MTA3: variants seen among roughly 807,000 people sequenced by gnomAD.
MTA3 encodes the protein metastasis associated 1 family member 3, also known as metastasis-associated protein MTA3.
MTA3 carries 34 observed loss-of-function variants against 83.5 expected under a neutral mutation model. That is an observed-to-expected ratio of 0.41 (90% CI 0.31 to 0.54). The LOEUF (loss-of-function observed/expected upper bound fraction) is 0.54, where lower values mean the gene tolerates loss of function less well. Among genes scored for constraint, MTA3 ranks in the 20% least tolerant of loss-of-function variants. The probability of loss-of-function intolerance (pLI) is 0.33; values close to 1 mark genes in which losing one functional copy is unlikely to be tolerated. For missense variants in MTA3, 761 were observed against 726.4 expected (o/e 1.05, Z -0.55); for synonymous variants, 303 against 252.7 (o/e 1.20, Z -1.89).
chr2:42,752,010 A>G (rs773522726), intron 16 of MTA3, among the ~76,000 whole-genome samples: 9 of 151,964 alleles, frequency 5.9e-5, no homozygotes, highest in Non-Finnish European at 1.2e-4. Context: ...TCAAATCTTG[A>G]CTCCTCAGCT....
chr2:42,616,163 G>A (rs1042597306), intron 4 of MTA3, among the ~76,000 whole-genome samples: 1 of 152,040 alleles, frequency 6.6e-6, no homozygotes, highest in Non-Finnish European at 1.5e-5. Context: ...GGTTTCAAGC[G>A]ATTCTCCCAC....
At chr2:42,534,808 G>C (rs142864814) in intron 2 of MTA3, among the ~76,000 whole-genome samples, 1 of 152,008 alleles carries the variant, frequency 6.6e-6, no homozygotes, top group East Asian at 2.0e-4. Flanking sequence ...CCTTTTTTTA[G>C]AAATGGGGTC....
chr2:42,549,634 CAT>C (rs1165135238), intron 2 of MTA3, among the ~76,000 whole-genome samples: 5 of 119,476 alleles, frequency 4.2e-5, no homozygotes, highest in African/African-American at 1.4e-4. Flanking sequence ...TATACATATA[CAT>C]ATATAATATA....
chr2:42,611,386 C>T (rs1054859489), intron 4 of MTA3, among the ~76,000 whole-genome samples: 11 of 151,698 alleles, frequency 7.3e-5, no homozygotes, highest in Non-Finnish European at 1.0e-4. Context: ...GTGCACAACT[C>T]CTTTTTTATA....
At position 42,756,574 on chromosome 2, in the gene MTA3, C is replaced by T. The variant is rs140307366; in HGVS notation, c.*3175C>T. The T allele has an allele frequency of 1.0e-5, 10 of 985,710 alleles. No individual in the cohort carries two copies. In the East Asian group the frequency reaches 3.4e-4, roughly 34 times the overall value. 61.1% of individuals were successfully genotyped at this position (985,710 alleles called of 1,614,324 possible). A position where few individuals can be genotyped will look rare whatever the true frequency, so the allele number is the denominator to read the frequency against. On this transcript the variant is annotated 3_prime_UTR_variant, in exon 17 of 17. Coordinates refer to ENST00000405094, the MANE Select transcript of MTA3 (RefSeq NM_001330442.2). The stretch of plus-strand genomic sequence containing the variant: ...GCGAGGGGAGGTGGAGGAGCTGCCC[C>T]GTGGGTGTTTGGAGATTCTGTTTTA...
At chr2:42,598,053 T>C (rs1682045599) in intron 3 of MTA3, among the ~76,000 whole-genome samples, 1 of 151,482 alleles carries the variant, frequency 6.6e-6, no homozygotes, top group African/African-American at 2.4e-5. Flanking sequence ...ATCTTTTTGC[T>C]ACTATTTTTA....
intron 3 of MTA3, among the ~76,000 whole-genome samples, chr2:42,598,522 T>G (rs923574161): frequency 6.6e-6 from 1 of 152,234 alleles, no homozygotes; most frequent in Non-Finnish European, 1.5e-5. Flanking sequence ...ATTTTTTGGT[T>G]GAGTCCTTGG....
At chr2:42,558,745 G>A (rs1414293989) in intron 2 of MTA3, among the ~76,000 whole-genome samples, 1 of 151,404 alleles carries the variant, frequency 6.6e-6, no homozygotes, top group Non-Finnish European at 1.5e-5. Context: ...AGTAGAGACG[G>A]GGTTTCACCA....
intron 16 of MTA3, among the ~76,000 whole-genome samples, chr2:42,735,922 C>T (rs1010406921): frequency 6.6e-6 from 1 of 152,152 alleles, no homozygotes; most frequent in African/African-American, 2.4e-5. Context: ...CTCCATCTCT[C>T]TGGGATTGGT....
intron 2 of MTA3, among the ~76,000 whole-genome samples, chr2:42,514,171 C>T (rs1243447143): frequency 6.6e-6 from 1 of 152,110 alleles, no homozygotes; most frequent in East Asian, 1.9e-4. Context: ...CGAGATCGCG[C>T]CACTGCACTC....
chr2:42,616,001 T>C (rs528402673), intron 4 of MTA3, among the ~76,000 whole-genome samples: 19 of 151,990 alleles, frequency 1.3e-4, no homozygotes, highest in Non-Finnish European at 2.5e-4. Flanking sequence ...ATTACAGGCA[T>C]GAGCCACCGT....
intron 9 of MTA3, among the ~76,000 whole-genome samples, chr2:42,686,272 C>T (rs1009143041): frequency 5.3e-5 from 8 of 152,146 alleles, no homozygotes; most frequent in African/African-American, 7.2e-5. Flanking sequence ...TAGTGGTTAG[C>T]GATAGCTTTA....
At chr2:42,607,889 T>A (rs1008514837) in intron 3 of MTA3, among the ~76,000 whole-genome samples, 2 of 152,192 alleles carry the variant, frequency 1.3e-5, no homozygotes, top group African/African-American at 4.8e-5. Flanking sequence ...AGATGGAGGT[T>A]GCAGTGAGCC....
intron 2 of MTA3, among the ~76,000 whole-genome samples, chr2:42,543,217 G>A (rs996104240): frequency 6.6e-6 from 1 of 151,790 alleles, no homozygotes; most frequent in African/African-American, 2.4e-5. Context: ...TCCCTCTGTC[G>A]CCCAGGCTGG....
intron 4 of MTA3, among the ~76,000 whole-genome samples, chr2:42,626,463 A>G (rs982942243): frequency 6.8e-6 from 1 of 146,726 alleles, no homozygotes; most frequent in Non-Finnish European, 1.5e-5. Flanking sequence ...ATGCCCAGCT[A>G]ATTTTTGCAT....
Position 42,586,477 on chromosome 2 carries a change from A to AACACACACACACACACAC in MTA3, c.190+7297_190+7314dup, listed in dbSNP as rs573814961. Among the ~76,000 whole-genome samples the AACACACACACACACACAC allele has an allele frequency of 5.2e-4, 38 of 72,712 alleles. 1 individual carries two copies. The highest frequency in any genetic ancestry group is 2.2e-3 in the African/African-American group (37 of 16,790). 47.7% of individuals were successfully genotyped at this position (72,712 alleles called of 152,430 possible). A position where few individuals can be genotyped will look rare whatever the true frequency, so the allele number is the denominator to read the frequency against. On this transcript the variant is annotated intron_variant, in intron 3 of 16. Coordinates refer to ENST00000405094, the MANE Select transcript of MTA3 (RefSeq NM_001330442.2). ...GAAACCGGTACAAAGAAGGAAGGAA[A>AACACACACACACACACAC]ACACACACACACACACACACACACA... is the stretch of plus-strand genomic sequence containing the variant.
intron 16 of MTA3, among the ~76,000 whole-genome samples, chr2:42,734,772 T>C (rs1194065527): frequency 6.6e-6 from 1 of 152,170 alleles, no homozygotes. Flanking sequence ...TTATAACCTG[T>C]TATTTTAAAC....
intron 2 of MTA3, among the ~76,000 whole-genome samples, chr2:42,577,520 A>G (rs1679189333): frequency 6.7e-6 from 1 of 149,756 alleles, no homozygotes; most frequent in Admixed American, 6.7e-5. Flanking sequence ...TCACTGTGTC[A>G]CCCAGGCTGG....
rs141761841 is a variant in MTA3, at chr2:42,525,675, G to A, written c.-141+30421G>A. 3.8e-4 allele frequency among the ~76,000 whole-genome samples: 42 copies of A among 110,510 alleles called. 1 individual carries two copies. Among genetic ancestry groups the A allele is most frequent in the African/African-American group, 1.2e-3 (34 of 27,938 alleles). 72.5% of individuals were successfully genotyped at this position (110,510 alleles called of 152,430 possible). ...TTTTCCTTCTTTCTTTCTTTCTTTC[G>A]TAGATGAGGTCTCGCTCCCTCATCC... On this transcript the variant is annotated intron_variant, in intron 2 of 17. Transcript: ENST00000405592.
Sources: gnomAD v4.1 joint callset for allele counts (sites outside exome capture counted in the v4.1 genomes callset) on GRCh38, gnomAD v4.1.1 for gene constraint, MANE v1.5 for transcripts, NCBI Gene and HGNC (gene_info 2026-07-23, HGNC 2026-07-21) for gene names.